The following NRXN1 variants were observed in gnomAD, a reference collection of about 807,000 sequenced individuals.
The protein encoded by NRXN1 is neurexin 1.
In NRXN1, 39 loss-of-function variants were observed where a neutral mutation model predicts 150.9. That is an observed-to-expected ratio of 0.26 (90% CI 0.20 to 0.34). The LOEUF is 0.34. Ranked by LOEUF, NRXN1 falls within the 10% of genes least tolerant of loss-of-function variation. The pLI, the probability that NRXN1 is intolerant of heterozygous loss-of-function variation, is 1.00. For missense variants in NRXN1, 1,815 were observed against 1,949.9 expected, an observed-to-expected ratio of 0.93 and a Z score of 1.30; for synonymous variants, 924 against 757.0, an observed-to-expected ratio of 1.22 and a Z score of -3.62.
At chr2:50,405,126 A>T (rs558771518) in intron 17 of NRXN1, among the ~76,000 whole-genome samples, 1 of 152,294 alleles carries the variant, frequency 6.6e-6, no homozygotes, top group South Asian at 2.1e-4. Context: ...ATAAATCTTC[A>T]AAGTCAATAT....
intron 21 of NRXN1, among the ~76,000 whole-genome samples, chr2:50,019,059 A>C (rs1333230491): frequency 6.6e-6 from 1 of 152,132 alleles, no homozygotes; most frequent in East Asian, 1.9e-4. Flanking sequence ...TTGAATTTCA[A>C]ATTTCCTAAT....
intron 5 of NRXN1, among the ~76,000 whole-genome samples, chr2:50,829,049 A>G (rs1670987067): frequency 6.6e-6 from 1 of 152,178 alleles, no homozygotes; most frequent in African/African-American, 2.4e-5. Flanking sequence ...CAACACAGCA[A>G]AACCCCGTCT....
At chr2:50,026,249 A>C (rs76533496) in intron 21 of NRXN1, among the ~76,000 whole-genome samples, 2,173 of 152,312 alleles carry the variant, frequency 0.014, 46 homozygotes, top group African/African-American at 0.05. Context: ...GGCACATGCT[A>C]TCTGAAACAC....
chr2:50,366,152 C>CT (rs35589416), intron 17 of NRXN1, among the ~76,000 whole-genome samples: 54,338 of 132,378 alleles, frequency 0.41, 10,983 homozygotes, highest in East Asian at 0.56. Flanking sequence ...CGGCTGGACA[C>CT]TTTTTTTTTT....
intron 18 of NRXN1, among the ~76,000 whole-genome samples, chr2:50,195,965 A>G (rs1393312672): frequency 3.3e-5 from 5 of 151,664 alleles, no homozygotes; most frequent in Non-Finnish European, 7.4e-5. Context: ...TTTATTTTTT[A>G]TTTTTTAATT....
At chr2:50,482,694 G>A (rs1027627228) in intron 15 of NRXN1, among the ~76,000 whole-genome samples, 1 of 152,052 alleles carries the variant, frequency 6.6e-6, no homozygotes, top group African/African-American at 2.4e-5. Flanking sequence ...GAGACCTACT[G>A]GGCTGGGCTG....
At chr2:50,495,070 C>G (rs921629606) in intron 15 of NRXN1, among the ~76,000 whole-genome samples, 2 of 151,544 alleles carry the variant, frequency 1.3e-5, no homozygotes, top group African/African-American at 2.4e-5. Flanking sequence ...TTTCTCTTTC[C>G]AGTTTCCTAA....
intron 5 of NRXN1, among the ~76,000 whole-genome samples, chr2:50,692,806 G>A (rs926041042): frequency 5.3e-5 from 8 of 151,850 alleles, no homozygotes; most frequent in African/African-American, 1.9e-4. Flanking sequence ...TTTCATGTTA[G>A]TACAACAGGA....
chr2:50,535,029 C>A (rs918804540), intron 10 of NRXN1, among the ~76,000 whole-genome samples: 9 of 152,132 alleles, frequency 5.9e-5, no homozygotes, highest in African/African-American at 1.9e-4. Flanking sequence ...TTAAATAATT[C>A]TCAATGTGAA....
At chr2:50,672,991 T>C (rs997384037) in intron 5 of NRXN1, among the ~76,000 whole-genome samples, 8 of 152,026 alleles carry the variant, frequency 5.3e-5, no homozygotes, top group Non-Finnish European at 8.8e-5. Context: ...AACTGGAAAA[T>C]AAACTGTTTA....
intron 18 of NRXN1, among the ~76,000 whole-genome samples, chr2:50,151,836 A>G (rs2058715573): frequency 6.6e-6 from 1 of 151,808 alleles, no homozygotes; most frequent in African/African-American, 2.4e-5. Flanking sequence ...TATGAAAACT[A>G]TACTTCAATG....
intron 18 of NRXN1, among the ~76,000 whole-genome samples, chr2:50,226,851 C>T (rs1166510220): frequency 6.6e-6 from 1 of 151,968 alleles, no homozygotes; most frequent in African/African-American, 2.4e-5. Context: ...ACCTGAGCAG[C>T]ACCGACCTAT....
At chr2:50,738,837 C>T (rs1454035883) in intron 5 of NRXN1, among the ~76,000 whole-genome samples, 2 of 152,060 alleles carry the variant, frequency 1.3e-5, no homozygotes, top group African/African-American at 4.8e-5. Flanking sequence ...ACCTTGGGCT[C>T]CAGAGGTTAA....
At chr2:50,263,360 G>A (rs532121038) in intron 17 of NRXN1, among the ~76,000 whole-genome samples, 1 of 152,072 alleles carries the variant, frequency 6.6e-6, no homozygotes, top group South Asian at 2.1e-4. Context: ...AGGTGGCACT[G>A]TGTGTACTCT....
chr2:50,928,025 A>G (rs1177039610), intron 2 of NRXN1, among the ~76,000 whole-genome samples: 2 of 151,950 alleles, frequency 1.3e-5, no homozygotes, highest in African/African-American at 4.8e-5. Flanking sequence ...TCATGACCAT[A>G]GATACAAGCC....
At chr2:50,378,431 T>A (rs768755058) in intron 17 of NRXN1, among the ~76,000 whole-genome samples, 4 of 152,148 alleles carry the variant, frequency 2.6e-5, no homozygotes, top group Admixed American at 1.3e-4. Flanking sequence ...CTCAGTGATA[T>A]GAGCTTACAG....
intron 19 of NRXN1, among the ~76,000 whole-genome samples, chr2:50,071,552 G>A (rs190742060): frequency 6.6e-6 from 1 of 152,262 alleles, no homozygotes; most frequent in African/African-American, 2.4e-5. Flanking sequence ...CAAGAAGGTG[G>A]ACATCTGCAA....
chr2:51,018,827 T>G (rs1221881934), intron 2 of NRXN1, among the ~76,000 whole-genome samples: 3 of 152,096 alleles, frequency 2.0e-5, no homozygotes, highest in Admixed American at 6.6e-5. Flanking sequence ...GGACAAAAAT[T>G]TGTTGTAATA....
intron 20 of NRXN1, among the ~76,000 whole-genome samples, chr2:50,053,832 T>TAC: frequency 6.6e-6 from 1 of 152,324 alleles, no homozygotes; most frequent in South Asian, 2.1e-4. Context: ...CAATCAAAGA[T>TAC]ATGTATTACA....
Sources: gnomAD v4.1 joint callset for allele counts (sites outside exome capture counted in the v4.1 genomes callset) on GRCh38, gnomAD v4.1.1 for gene constraint, MANE v1.5 for transcripts, NCBI Gene and HGNC (gene_info 2026-07-23, HGNC 2026-07-21) for gene names.